Variants in PHKA1 observed in about 807,000 individuals in gnomAD.
PHKA1 encodes phosphorylase b kinase regulatory subunit alpha, skeletal muscle isoform.
A neutral mutation model predicts 110.2 loss-of-function variants in PHKA1; 60 were observed. The ratio of observed to expected loss-of-function variants is 0.54; its 90% confidence interval spans 0.44 to 0.68. The LOEUF (loss-of-function observed/expected upper bound fraction) is 0.68, where lower values mean the gene tolerates loss of function less well. Ranked by LOEUF, PHKA1 falls within the 30% of genes least tolerant of loss-of-function variation. PHKA1 has a pLI of 0.00. For synonymous variants in PHKA1, 316 were observed against 333.6 expected (o/e 0.95, Z 0.58); for missense variants, 801 against 942.5 (o/e 0.85, Z 1.97).
At chrX:72,646,645 T>C (rs1194158166) in intron 13 of PHKA1, among the ~76,000 whole-genome samples, 3 of 111,499 alleles carry the variant, frequency 2.7e-5, no homozygotes, top group African/African-American at 9.8e-5. Flanking sequence ...TGATAAAAAA[T>C]GAAGCTGGAG....
In PHKA1 at chrX:72,639,491, G is replaced by A. The variant is rs782639401; in HGVS notation, c.1460-3105C>T. On this transcript the variant is annotated intron_variant, in intron 14 of 31. Coordinates refer to ENST00000373542, the MANE Select transcript of PHKA1 (RefSeq NM_002637.4). ...GCGGTGGTTGCAGTGAGCCGAGATCGCGCCACTGCACTCCAGCCAGCCTGG... is the reference window on the plus strand; with the variant it reads ...GCGGTGGTTGCAGTGAGCCGAGATCACGCCACTGCACTCCAGCCAGCCTGG... Among the ~76,000 whole-genome samples the A allele has an allele frequency of 2.0e-3, 220 of 111,358 alleles. 1 individual carries two copies. The highest frequency in any genetic ancestry group is 3.7e-3 in the Non-Finnish European group (194 of 52,994).
Position 72,593,228 on chromosome X carries a change from G to A in PHKA1, c.3119C>T (p.Ala1040Val), listed in dbSNP as rs1556228496. ...ATCTTTAGATGACTGCTGATCATAT[G>A]CACTAGGAAAGGACCCACTACTTGG... The part of the protein sequence containing the change: ...MTPSSGSFPS[A>V]YDQQSSKDSR... Residue 1040 changes from alanine (A) to valine (V), a missense_variant, in exon 29 of 32, where the codon GCA (alanine) becomes GTA (valine). This residue lies in a region of PHKA1 where 502 missense variants were observed against 519.2 expected (regional missense o/e 0.97). Transcript: ENST00000373542. The A allele has an allele frequency of 3.3e-6, 4 of 1,204,353 alleles. No individual in the cohort carries two copies. The highest frequency in any genetic ancestry group is 4.3e-5 in the Admixed American group (2 of 46,097).
chrX:72,679,125 T>C (rs1399574756), intron 5 of PHKA1, among the ~76,000 whole-genome samples: 1 of 111,547 alleles, frequency 9.0e-6, no homozygotes, highest in Non-Finnish European at 1.9e-5. Context: ...AAAAAATACC[T>C]AGTGCTCACA....
intron 16 of PHKA1, among the ~76,000 whole-genome samples, chrX:72,627,811 CTT>C (rs1160541868): frequency 1.0e-4 from 7 of 67,854 alleles, no homozygotes; most frequent in African/African-American, 4.3e-4. Flanking sequence ...TTTTCCTACA[CTT>C]TTTTTTTTTT....
At chrX:72,706,700 G>C (rs782739967) in intron 2 of PHKA1, among the ~76,000 whole-genome samples, 2 of 111,332 alleles carry the variant, frequency 1.8e-5, no homozygotes, top group Non-Finnish European at 3.8e-5. Flanking sequence ...ATACTATTCT[G>C]TAAGAATCCT....
chrX:72,694,231 A>G (rs1556325267), intron 4 of PHKA1, among the ~76,000 whole-genome samples: 3 of 112,387 alleles, frequency 2.7e-5, no homozygotes, highest in African/African-American at 9.7e-5. Flanking sequence ...ACTGCCTTAC[A>G]TAAATTCTGA....
intron 25 of PHKA1, 39 bp from the exon 26 acceptor site, chrX:72,603,259 T>C: frequency 1.2e-6 from 1 of 818,923 alleles, no homozygotes; most frequent in Non-Finnish European, 1.8e-6. Flanking sequence ...GACTTCTAAT[T>C]TGCCTGCCAT....
chrX:72,614,713 A>G (rs1556266019), intron 21 of PHKA1, among the ~76,000 whole-genome samples: 1 of 111,750 alleles, frequency 8.9e-6, no homozygotes, highest in East Asian at 2.8e-4. Flanking sequence ...CAAATCATAG[A>G]GGATTTAGAT....
chrX:72,637,933 G>C (rs1210835177), intron 14 of PHKA1, among the ~76,000 whole-genome samples: 1 of 111,125 alleles, frequency 9.0e-6, no homozygotes, highest in Non-Finnish European at 1.9e-5. Flanking sequence ...TCCATTTTCA[G>C]TGTACAAGTC....
intron 14 of PHKA1, among the ~76,000 whole-genome samples, chrX:72,639,926 G>A (rs1257382070): frequency 1.8e-5 from 2 of 112,056 alleles, no homozygotes; most frequent in African/African-American, 6.5e-5. Context: ...AATTATAAAG[G>A]TGGAACTTCA....
Position 72,618,730 on chromosome X carries a change from G to C in PHKA1, c.2349C>G (p.Leu783=). 1.7e-6 allele frequency: 2 copies of C among 1,196,605 alleles called. No homozygotes were observed. The highest frequency in any genetic ancestry group is 2.3e-6 in the Non-Finnish European group (2 of 881,922). Residue 783 remains leucine (L), a synonymous_variant, in exon 21 of 32, where the codon CTC becomes CTG. Coordinates refer to ENST00000373542, the MANE Select transcript of PHKA1 (RefSeq NM_002637.4). ...CTTACTTCATAGTATACAGCATATA[G>C]AGGATATCAGCTTGTTCCTGTAAGC... is the stretch of plus-strand genomic sequence containing the variant. ...TSSLQEQADI[L]YMLYTMKGPD...
At position 72,579,433 on chromosome X, in the gene PHKA1, G is replaced by A. The variant is rs2052304801; in HGVS notation, c.*1569C>T. ...TTGGGGAAAAACTTTAGAAATCCAA[G>A]ATAAAGGAGGGGGTTGAAGTAGGAA... On this transcript the variant is annotated 3_prime_UTR_variant, in exon 32 of 32. Coordinates refer to ENST00000373542, the MANE Select transcript of PHKA1 (RefSeq NM_002637.4). The A allele has an allele frequency of 8.9e-6, 1 of 111,805 alleles. No homozygotes were observed. Among genetic ancestry groups the A allele is most frequent in the East Asian group, 2.8e-4 (1 of 3,610 alleles). The allele number at this position is 111,805 out of a possible 1,213,427, so 9.2% of individuals were successfully genotyped here.
At chrX:72,582,352 T>A in intron 31 of PHKA1, 46 bp downstream of exon 31, 1 of 925,780 alleles carries the variant, frequency 1.1e-6, no homozygotes. Flanking sequence ...GTCATCAGGT[T>A]GGAGTAAAAA....
At chrX:72,651,885 T>C (rs193031038) in intron 12 of PHKA1, among the ~76,000 whole-genome samples, 1 of 111,690 alleles carries the variant, frequency 9.0e-6, no homozygotes, top group African/African-American at 3.3e-5. Flanking sequence ...CAAAATAACA[T>C]AGAGTGGGGA....
intron 6 of PHKA1, among the ~76,000 whole-genome samples, chrX:72,669,794 G>C (rs1477291322): frequency 2.7e-5 from 3 of 110,248 alleles, no homozygotes; most frequent in Non-Finnish European, 3.8e-5. Flanking sequence ...TGGACATGTG[G>C]GTTGGTTCCA....
At chrX:72,646,159 C>T (rs1377655372) in intron 13 of PHKA1, among the ~76,000 whole-genome samples, 1 of 111,562 alleles carries the variant, frequency 9.0e-6, no homozygotes, top group Non-Finnish European at 1.9e-5. Context: ...GTTAGAGCAT[C>T]GTGAAGGGCA....
intron 19 of PHKA1, 38 bp downstream of exon 19, chrX:72,620,687 T>A: frequency 8.7e-7 from 1 of 1,150,953 alleles, no homozygotes; most frequent in Non-Finnish European, 1.2e-6. Context: ...CTTCACGTCA[T>A]CCTGTGCCTG....
intron 20 of PHKA1, 92 bp from the exon 21 acceptor site, chrX:72,618,941 C>A: frequency 1.2e-6 from 1 of 861,721 alleles, no homozygotes; most frequent in African/African-American, 2.0e-5. Context: ...ACCTCTAAAC[C>A]TTTTCCAAGG....
At chrX:72,666,357 T>C in intron 7 of PHKA1, 60 bp from the exon 8 acceptor site, 2 of 962,743 alleles carry the variant, frequency 2.1e-6, no homozygotes, top group African/African-American at 1.9e-5. Context: ...TTTACCCCAA[T>C]ATCTTATCAA....
Sources: gnomAD v4.1 joint callset for allele counts (sites outside exome capture counted in the v4.1 genomes callset) on GRCh38, gnomAD v4.1.1 for gene constraint, gnomAD v4.1.1 regional missense constraint, MANE v1.5 for transcripts, NCBI Gene and HGNC (gene_info 2026-07-23, HGNC 2026-07-21) for gene names.